Variants in KIAA1586 observed in about 807,000 individuals in gnomAD.
KIAA1586 encodes the protein E3 SUMO-protein ligase KIAA1586.
KIAA1586 carries 5 observed loss-of-function variants against 6.1 expected under a neutral mutation model. The observed-to-expected ratio is 0.82, with a 90% CI of 0.43 to 1.73. The LOEUF is 1.73. Among genes scored for constraint, KIAA1586 ranks in the 40% most tolerant of loss-of-function variants. The pLI is 0.02. For synonymous variants in KIAA1586, 280 were observed against 301.7 expected (o/e 0.93, Z 0.75); for missense variants, 899 against 878.2 (o/e 1.02, Z -0.30).
downstream of KIAA1586, among the ~76,000 whole-genome samples, chr6:57,058,597 A>G (rs1828528359): frequency 6.6e-6 from 1 of 152,196 alleles, no homozygotes; most frequent in South Asian, 2.1e-4. Flanking sequence ...TGGCATATGA[A>G]TGATCCAAAT....
the KIAA1586 span, among the ~76,000 whole-genome samples, chr6:57,061,581 C>T: frequency 1.7e-3 from 260 of 151,770 alleles, 1 homozygote; most frequent in Non-Finnish European, 2.1e-3. Flanking sequence ...TTTGTAGAGA[C>T]GGGGTCTTCT....
At chr6:57,047,963 A>G (rs1252781112) in intron 2 of KIAA1586, among the ~76,000 whole-genome samples, 1 of 146,352 alleles carries the variant, frequency 6.8e-6, no homozygotes, top group Non-Finnish European at 1.5e-5. Context: ...TAGTAAGTAT[A>G]AACAGGCAGA....
chr6:57,049,580 A>C (rs951671357), intron 2 of KIAA1586, among the ~76,000 whole-genome samples: 4 of 152,168 alleles, frequency 2.6e-5, no homozygotes, highest in Non-Finnish European at 5.9e-5. Flanking sequence ...ATACAAAAAG[A>C]GTCCTTATCT....
At chr6:57,062,822 G>A in the KIAA1586 span, among the ~76,000 whole-genome samples, 1 of 152,150 alleles carries the variant, frequency 6.6e-6, no homozygotes, top group Admixed American at 6.5e-5. Flanking sequence ...AGGCCGAGGT[G>A]GGCGGATTGC....
In KIAA1586 at chr6:57,053,035, A is replaced by C. The variant is rs150457710; in HGVS notation, c.536A>C (p.His179Pro). 114 of 1,613,804 alleles carry C rather than the reference A, an allele frequency of 7.1e-5. No homozygotes were observed. Among genetic ancestry groups the C allele is most frequent in the Non-Finnish European group, 9.7e-5 (114 of 1,179,902 alleles). The change falls in exon 4 of 4, where the codon CAT becomes CCT. Residue 179 changes from histidine (H) to proline (P), a missense_variant. By Grantham distance (77) the His-to-Pro change is moderately conservative. Coordinates refer to ENST00000370733, the MANE Select transcript of KIAA1586 (RefSeq NM_020931.4). ...GGATCGAAAGCAGAAAAGCATGTCC[A>C]TGTGTCCAAGGAATGGATTGCATAT... The part of the protein sequence containing the change: ...HLGSKAEKHV[H>P]VSKEWIAYLV...
At chr6:57,060,986 T>TC in the KIAA1586 span, among the ~76,000 whole-genome samples, 1 of 151,274 alleles carries the variant, frequency 6.6e-6, no homozygotes, top group Non-Finnish European at 1.5e-5. Flanking sequence ...TCCGCCTTTT[T>TC]TTTTTTTTTG....
chr6:57,061,382 C>T, the KIAA1586 span, among the ~76,000 whole-genome samples: 1 of 151,982 alleles, frequency 6.6e-6, no homozygotes, highest in African/African-American at 2.4e-5. Flanking sequence ...TTGAACGGTT[C>T]TAGTTATTTA....
rs925684453 is a variant in KIAA1586 at position 57,054,421 on chromosome 6, A to C, written c.1922A>C (p.Tyr641Ser). Residue 641 changes from tyrosine to serine, a missense_variant, in exon 4 of 4, where the codon TAT becomes TCT. Coordinates refer to ENST00000370733, the MANE Select transcript of KIAA1586 (RefSeq NM_020931.4). The part of the protein sequence containing the change: ...FDLLEPSTWP[Y>S]EEITSPWIAG... Reference sequence around the variant, plus strand: ...TTGCTGGAACCTTCCACATGGCCTTATGAAGAAATAACTTCACCATGGATA... The same window carrying C: ...TTGCTGGAACCTTCCACATGGCCTTCTGAAGAAATAACTTCACCATGGATA... 2 of 1,609,962 alleles carry C rather than the reference A, an allele frequency of 1.2e-6. No individual in the cohort carries two copies. The highest frequency in any genetic ancestry group is 2.7e-5 in the African/African-American group (2 of 74,814).
chr6:57,056,393 G>A (rs145063060), downstream of KIAA1586, among the ~76,000 whole-genome samples: 3,639 of 151,462 alleles, frequency 0.024, 151 homozygotes, highest in African/African-American at 0.084. Context: ...ATTTTTTATA[G>A]AGACGGGGTT....
the KIAA1586 span, among the ~76,000 whole-genome samples, chr6:57,064,634 A>C: frequency 6.6e-6 from 1 of 152,274 alleles, no homozygotes; most frequent in East Asian, 1.9e-4. Context: ...AGTTTCCTGG[A>C]CCAGCAGTTT....
chr6:57,054,253 A>G lies in KIAA1586; in HGVS notation c.1754A>G (p.Asp585Gly), dbSNP rs1364509672. ...CAAATTGAAGATTTGATCAAGTCAG[A>G]TAAGTTTAAAGATATTCCATTTAAT... ...ESQIEDLIKS[D>G]KFKDIPFNKN... The change falls in exon 4 of 4, where the codon GAT becomes GGT. Residue 585 changes from aspartate (D) to glycine (G), a missense_variant. Transcript: ENST00000370733. 3 of 1,592,680 alleles carry G rather than the reference A, an allele frequency of 1.9e-6. No individual in the cohort carries two copies. The highest frequency in any genetic ancestry group is 1.4e-5 in the African/African-American group (1 of 73,344).
chr6:57,054,673 T>G lies in KIAA1586; in HGVS notation c.2174T>G (p.Leu725Ter). 1 of 1,556,972 alleles carries G rather than the reference T, an allele frequency of 6.4e-7. No homozygotes were observed. Among genetic ancestry groups the G allele is most frequent in the Non-Finnish European group, 8.7e-7 (1 of 1,148,922 alleles). ...NIICTRVRNS[L>*]TIDHVSDLMT... ...ATTTGTACAAGGGTGAGAAATAGTT[T>G]AACAATAGATCATGTATCAGATTTA... The change falls in exon 4 of 4, where the codon TTA (leucine) becomes TGA (stop). Residue 725 changes from leucine (L) to a stop codon, truncating the protein, a stop_gained. Transcript: ENST00000370733. LOFTEE classifies it low-confidence loss of function (END_TRUNC).
rs1272234920 is a variant in KIAA1586, at chr6:57,053,836, A to T, written c.1337A>T (p.Lys446Ile). The T allele has an allele frequency of 1.3e-5, 19 of 1,501,194 alleles. No individual in the cohort carries two copies. The highest frequency in any genetic ancestry group is 1.7e-5 in the Non-Finnish European group (19 of 1,115,686). The allele number at this position is 1,501,194 out of a possible 1,614,324, so 93.0% of individuals were successfully genotyped here. ...AATCATTTAAAAATATTTATTGATA[A>T]AATTTATTCTATTTATCATCAACCT... Reference protein sequence around the residue: ...QINHLKIFIDKIYSIYHQPNK... With the variant: ...QINHLKIFIDIIYSIYHQPNK... Residue 446 changes from lysine to isoleucine, a missense_variant, in exon 4 of 4, where the codon AAA (lysine) becomes ATA (isoleucine). Transcript: ENST00000370733.
At chr6:57,057,385 C>A (rs1398664821), downstream of KIAA1586, among the ~76,000 whole-genome samples, 2 of 151,912 alleles carry the variant, frequency 1.3e-5, no homozygotes, top group Admixed American at 1.3e-4. Context: ...GAGAAACTAC[C>A]CAAGTAACAC....
chr6:57,059,138 G>A (rs939968285), downstream of KIAA1586, among the ~76,000 whole-genome samples: 3 of 152,018 alleles, frequency 2.0e-5, no homozygotes, highest in Non-Finnish European at 4.4e-5. Flanking sequence ...TGTGCCTTAG[G>A]TGTGAAATAC....
chr6:57,052,799 G>T lies in KIAA1586; in HGVS notation c.300G>T (p.Leu100Phe), dbSNP rs912687483. The change falls in exon 4 of 4, where the codon TTG becomes TTT. Residue 100 changes from leucine to phenylalanine, a missense_variant. Physicochemically the swap from Leu to Phe is conservative, Grantham distance 22 (BLOSUM62 0). Coordinates refer to ENST00000370733, the MANE Select transcript of KIAA1586 (RefSeq NM_020931.4). ...AAGTGAGCAAAAATCACTGCAGATT[G>T]TCTAAGGCAAAGGAACCACATTTCG... ...NNEVSKNHCR[L>F]SKAKEPHFEY... The T allele has an allele frequency of 1.9e-6, 3 of 1,613,680 alleles. No individual in the cohort carries two copies. The highest frequency in any genetic ancestry group is 1.3e-5 in the African/African-American group (1 of 75,038).
intron 1 of KIAA1586, 33 bp downstream of exon 1, chr6:57,046,809 A>G (rs374359928): frequency 1.9e-6 from 3 of 1,607,254 alleles, no homozygotes; most frequent in Non-Finnish European, 2.5e-6. Flanking sequence ...TGGCGTTCTC[A>G]GAGGCGAACC....
downstream of KIAA1586, among the ~76,000 whole-genome samples, chr6:57,057,805 A>T (rs1562573376): frequency 6.6e-6 from 1 of 151,926 alleles, no homozygotes; most frequent in Non-Finnish European, 1.5e-5. Context: ...ATTAAATGTT[A>T]ATTATTATTA....
In KIAA1586 at chr6:57,053,114, A is replaced by T. The variant is rs541943912; in HGVS notation, c.615A>T (p.Lys205Asn). Residue 205 changes from lysine (K) to asparagine (N), a missense_variant, in exon 4 of 4, where the codon AAA becomes AAT. Transcript: ENST00000370733. Reference sequence around the variant, plus strand: ...CTACTAGGCAAGCTTCTCTACGAAAAAAAATTAGGGAACATGATGTTTCTA... The same window carrying T: ...CTACTAGGCAAGCTTCTCTACGAAATAAAATTAGGGAACATGATGTTTCTA... ...NKTTRQASLR[K>N]KIREHDVSKA... 7 of 1,610,626 alleles carry T rather than the reference A, an allele frequency of 4.3e-6. No individual in the cohort carries two copies. In the East Asian group the frequency reaches 1.3e-4, roughly 31 times the overall value.
Sources: allele counts gnomAD v4.1 joint callset (sites outside exome capture counted in the v4.1 genomes callset), GRCh38; gene constraint gnomAD v4.1.1; transcripts MANE v1.5; gene names NCBI Gene and HGNC (gene_info 2026-07-23, HGNC 2026-07-21).